The following RNFT2 variants were observed in gnomAD, a reference collection of about 807,000 sequenced individuals.
The protein encoded by RNFT2 is E3 ubiquitin-protein ligase RNFT2.
A neutral mutation model predicts 53.0 loss-of-function variants in RNFT2; 36 were observed. The observed-to-expected ratio is 0.68, with a 90% confidence interval of 0.52 to 0.90. RNFT2 has a LOEUF of 0.90. Ranked by LOEUF, RNFT2 falls within the 40% of genes least tolerant of loss-of-function variation. The probability of loss-of-function intolerance (pLI) is 0.00; values close to 1 mark genes in which losing one functional copy is unlikely to be tolerated. For synonymous variants in RNFT2, 260 were observed against 253.2 expected (o/e 1.03, Z -0.26); for missense variants, 514 against 585.6 (o/e 0.88, Z 1.26).
intron 3 of RNFT2, among the ~76,000 whole-genome samples, chr12:116,749,318 C>T (rs1219959640): frequency 7.1e-6 from 1 of 141,562 alleles, no homozygotes; most frequent in African/African-American, 2.6e-5. Context: ...CTCTCTGTCG[C>T]CCAGGCTGGA....
chr12:116,842,667 G>T (rs537695905), intron 10 of RNFT2, among the ~76,000 whole-genome samples: 3 of 152,174 alleles, frequency 2.0e-5, no homozygotes, highest in East Asian at 3.9e-4. Context: ...TCTGCCTCCC[G>T]AGTTCAAGCG....
intron 6 of RNFT2, among the ~76,000 whole-genome samples, chr12:116,771,353 T>A (rs997990043): frequency 1.3e-5 from 2 of 150,452 alleles, no homozygotes; most frequent in African/African-American, 2.4e-5. Context: ...CCCGCTACCC[T>A]GGAGACTAGG....
chr12:116,786,061 C>A (rs1247357587), intron 7 of RNFT2, among the ~76,000 whole-genome samples: 3 of 151,628 alleles, frequency 2.0e-5, no homozygotes, highest in Admixed American at 6.6e-5. Context: ...ATTCTTCTGA[C>A]ATAGGTGCTG....
At chr12:116,752,675 C>T (rs187098399) in intron 4 of RNFT2, among the ~76,000 whole-genome samples, 3 of 152,172 alleles carry the variant, frequency 2.0e-5, no homozygotes, top group South Asian at 2.1e-4. Context: ...GTCAGGAATT[C>T]GAGACCAGCC....
chr12:116,808,228 G>T (rs115167772), intron 7 of RNFT2, among the ~76,000 whole-genome samples: 2 of 151,962 alleles, frequency 1.3e-5, no homozygotes, highest in East Asian at 3.9e-4. Context: ...GCCTCCTAAA[G>T]TGCTCGTAAG....
rs895925310 is a variant in RNFT2 at position 116,852,126 on chromosome 12, C to A, written c.*2678C>A. ...GCACAGGTGACCACGCAGAAGCCAC[C>A]AGAATCTTGCCTGCCCTATTCCTCC... On this transcript the variant is annotated 3_prime_UTR_variant, in exon 11 of 11. Transcript: ENST00000257575. 10 of 1,007,918 alleles carry A rather than the reference C, an allele frequency of 9.9e-6. No individual in the cohort carries two copies. The African/African-American group carries it at 1.5e-4, about 15-fold the overall frequency. 62.4% of individuals were successfully genotyped at this position (1,007,918 alleles called of 1,614,324 possible). A position where few individuals can be genotyped will look rare whatever the true frequency, so the allele number is the denominator to read the frequency against.
intron 5 of RNFT2, 141 bp from the exon 6 acceptor site, chr12:116,766,673 T>G (rs1872926767): frequency 3.1e-6 from 2 of 653,210 alleles, no homozygotes; most frequent in South Asian, 3.7e-5. Flanking sequence ...AATAGAAAGG[T>G]GCCAATGCCC....
intron 5 of RNFT2, among the ~76,000 whole-genome samples, chr12:116,766,600 T>C (rs571156800): frequency 8.5e-4 from 129 of 152,220 alleles, no homozygotes; most frequent in Admixed American, 2.2e-3. Context: ...TTCTAGATAG[T>C]TTTTCAAGCA....
At chr12:116,762,848 G>T (rs1251122323) in intron 5 of RNFT2, among the ~76,000 whole-genome samples, 2 of 152,192 alleles carry the variant, frequency 1.3e-5, no homozygotes, top group Non-Finnish European at 2.9e-5. Context: ...TTGACCTCAG[G>T]TGATCCGACC....
At chr12:116,826,889 G>A (rs898478157) in intron 7 of RNFT2, among the ~76,000 whole-genome samples, 4 of 152,156 alleles carry the variant, frequency 2.6e-5, no homozygotes, top group African/African-American at 7.2e-5. Flanking sequence ...GGGATGGATA[G>A]TAAAAATAAT....
At chr12:116,787,487 C>T (rs1873988483) in intron 7 of RNFT2, among the ~76,000 whole-genome samples, 1 of 152,168 alleles carries the variant, frequency 6.6e-6, no homozygotes, top group Non-Finnish European at 1.5e-5. Flanking sequence ...GAGAAGGTTG[C>T]TTGAGGCCAA....
In RNFT2 at chr12:116,785,249, C is replaced by CTG. The variant is rs56185708; in HGVS notation, c.882+5926_882+5927dup. Among the ~76,000 whole-genome samples the CTG allele has an allele frequency of 6.8e-4, 94 of 139,168 alleles. 1 individual carries two copies. The highest frequency in any genetic ancestry group is 1.2e-3 in the South Asian group (5 of 4,282). The allele number at this position is 139,168 out of a possible 152,430, so 91.3% of individuals were successfully genotyped here. A position where few individuals can be genotyped will look rare whatever the true frequency, so the allele number is the denominator to read the frequency against. ...TCATAGCATTTGTGATTACCTACTTCTGTGTGTGTGTGTGTGTGTGTGTGT... is the reference window on the plus strand; with the variant it reads ...TCATAGCATTTGTGATTACCTACTTCTGTGTGTGTGTGTGTGTGTGTGTGTGT... On this transcript the variant is annotated intron_variant, in intron 7 of 10. Coordinates refer to ENST00000257575, the MANE Select transcript of RNFT2 (RefSeq NM_001382266.1).
chr12:116,744,544 G>T (rs146153464), intron 3 of RNFT2, among the ~76,000 whole-genome samples: 35 of 152,310 alleles, frequency 2.3e-4, no homozygotes, highest in African/African-American at 8.4e-4. Context: ...AAGTAGCAGG[G>T]CTGAGATTTG....
intron 8 of RNFT2, among the ~76,000 whole-genome samples, chr12:116,834,729 C>T (rs1013275328): frequency 6.6e-6 from 1 of 152,040 alleles, no homozygotes; most frequent in Non-Finnish European, 1.5e-5. Context: ...CACATTGTAA[C>T]ATGTATCAGT....
At chr12:116,832,085 C>T (rs1004401178) in intron 7 of RNFT2, among the ~76,000 whole-genome samples, 130 of 145,242 alleles carry the variant, frequency 9.0e-4, no homozygotes, top group African/African-American at 3.1e-3. Context: ...GAGCCATAGT[C>T]GCACAACTGC....
At chr12:116,825,886 A>G (rs1876303520) in intron 7 of RNFT2, among the ~76,000 whole-genome samples, 1 of 152,206 alleles carries the variant, frequency 6.6e-6, no homozygotes, top group Non-Finnish European at 1.5e-5. Flanking sequence ...CCACGCCTTT[A>G]AACCACTAGG....
Position 116,851,770 on chromosome 12 carries a change from G to T in RNFT2, c.*2322G>T. ...AAAAAAAAAAGAAAGAAAGAAGGGA[G>T]GGAGGGAGGAAGGAAGGAAGGAAGG... is the stretch of plus-strand genomic sequence containing the variant. On this transcript the variant is annotated 3_prime_UTR_variant, in exon 11 of 11. Coordinates refer to ENST00000257575, the MANE Select transcript of RNFT2 (RefSeq NM_001382266.1). The T allele has an allele frequency of 1.3e-6, 1 of 775,618 alleles. No homozygotes were observed. Among genetic ancestry groups the T allele is most frequent in the Non-Finnish European group, 2.2e-6 (1 of 456,608 alleles). 48.0% of individuals were successfully genotyped at this position (775,618 alleles called of 1,614,324 possible).
At chr12:116,765,398 A>G (rs1872864627) in intron 5 of RNFT2, among the ~76,000 whole-genome samples, 1 of 152,174 alleles carries the variant, frequency 6.6e-6, no homozygotes, top group African/African-American at 2.4e-5. Context: ...CACTCTCTGG[A>G]AATGTGCATC....
chr12:116,769,810 T>TC (rs745845873), intron 6 of RNFT2, among the ~76,000 whole-genome samples: 129 of 152,192 alleles, frequency 8.5e-4, no homozygotes, highest in Non-Finnish European at 1.6e-3. Flanking sequence ...GGTGGGTGGA[T>TC]CATTTGAGGT....
Sources: gnomAD v4.1 joint callset for allele counts (sites outside exome capture counted in the v4.1 genomes callset) on GRCh38, gnomAD v4.1.1 for gene constraint, MANE v1.5 for transcripts, NCBI Gene and HGNC (gene_info 2026-07-23, HGNC 2026-07-21) for gene names.